GPR63: variants seen among roughly 807,000 people sequenced by gnomAD.
GPR63 encodes the protein probable G protein-coupled receptor 63.
Under a neutral mutation model 23.1 loss-of-function variants are expected in GPR63, and 12 were observed. That is an observed-to-expected ratio of 0.52 (90% CI 0.33 to 0.84). The LOEUF (loss-of-function observed/expected upper bound fraction) is 0.84. Ranked by LOEUF, GPR63 falls within the 40% of genes least tolerant of loss-of-function variation. GPR63 has a pLI of 0.02. For missense variants in GPR63, 472 were observed against 515.6 expected, an observed-to-expected ratio of 0.92 and a Z score of 0.82; for synonymous variants, 172 against 191.1, an observed-to-expected ratio of 0.90 and a Z score of 0.82.
Position 96,837,248 on chromosome 6 carries a change from G to C in GPR63, c.-151+20C>G, listed in dbSNP as rs1218552917. The C allele has an allele frequency of 6.6e-6, 1 of 152,422 alleles. No homozygotes were observed. Among genetic ancestry groups the C allele is most frequent in the Admixed American group, 6.5e-5 (1 of 15,294 alleles). 9.4% of individuals were successfully genotyped at this position (152,422 alleles called of 1,614,324 possible). ...CGCGGGCCGGGGATCGCGGGCCGGG[G>C]ATCCCGAGCCTCACCTCACCTCAAG... On this transcript the variant is annotated intron_variant, in intron 1 of 1. Coordinates refer to ENST00000229955, the MANE Select transcript of GPR63 (RefSeq NM_030784.4).
At chr6:96,836,428 T>C (rs1246456211) in intron 1 of GPR63, among the ~76,000 whole-genome samples, 1 of 152,122 alleles carries the variant, frequency 6.6e-6, no homozygotes, top group African/African-American at 2.4e-5. Flanking sequence ...AGAAATCCTA[T>C]TTTAAAAACA....
chr6:96,820,112 A>G (rs915992228), intron 1 of GPR63, among the ~76,000 whole-genome samples: 10 of 151,638 alleles, frequency 6.6e-5, no homozygotes, highest in African/African-American at 2.2e-4. Flanking sequence ...GTCAGAAAAT[A>G]AAATCTTCTT....
At chr6:96,829,346 G>A (rs151010728) in intron 1 of GPR63, among the ~76,000 whole-genome samples, 1 of 152,210 alleles carries the variant, frequency 6.6e-6, no homozygotes, top group African/African-American at 2.4e-5. Flanking sequence ...AACAAAATAT[G>A]CTTAGAAATT....
intron 1 of GPR63, among the ~76,000 whole-genome samples, chr6:96,818,784 A>G (rs1167907376): frequency 6.6e-6 from 1 of 152,222 alleles, no homozygotes; most frequent in Admixed American, 6.5e-5. Context: ...CCCATCTGAC[A>G]AAAGTCTAAT....
rs1773630554 is a variant in GPR63, at chr6:96,797,805, G to T, written c.*667C>A. 3 of 152,102 alleles carry T rather than the reference G, an allele frequency of 2.0e-5. No individual in the cohort carries two copies. Among genetic ancestry groups the T allele is most frequent in the Non-Finnish European group, 4.4e-5 (3 of 68,016 alleles). The allele number at this position is 152,102 out of a possible 1,614,324, so 9.4% of individuals were successfully genotyped here. ...GCTTAGAAAAGTATCTACATTTTAT[G>T]TTCTCTTTTACAACTGTACATGCAG... On this transcript the variant is annotated 3_prime_UTR_variant, in exon 2 of 2. Coordinates refer to ENST00000229955, the MANE Select transcript of GPR63 (RefSeq NM_030784.4).
At chr6:96,823,560 A>C (rs2127957200) in intron 1 of GPR63, among the ~76,000 whole-genome samples, 1 of 152,324 alleles carries the variant, frequency 6.6e-6, no homozygotes, top group African/African-American at 2.4e-5. Flanking sequence ...GTATAAAGTA[A>C]AAAATTTACA....
intron 1 of GPR63, among the ~76,000 whole-genome samples, chr6:96,827,046 TA>T (rs11461025): frequency 6.3e-4 from 77 of 122,484 alleles, no homozygotes; most frequent in South Asian, 1.0e-3. Flanking sequence ...GAACACAGTC[TA>T]AAAAAAAAAA....
Position 96,796,409 on chromosome 6 carries a change from C to T in GPR63, c.*2063G>A, listed in dbSNP as rs1773580029. Reference sequence around the variant, plus strand: ...AAAACACTAACATCCTGAAAAGATGCTATAAATCCACAGTTAACTTACTTA... The same window carrying T: ...AAAACACTAACATCCTGAAAAGATGTTATAAATCCACAGTTAACTTACTTA... On this transcript the variant is annotated 3_prime_UTR_variant, in exon 2 of 2. Coordinates refer to ENST00000229955, the MANE Select transcript of GPR63 (RefSeq NM_030784.4). 6.6e-6 allele frequency: 1 copy of T among 152,148 alleles called. No homozygotes were observed. Among genetic ancestry groups the T allele is most frequent in the African/African-American group, 2.4e-5 (1 of 41,436 alleles). 9.4% of individuals were successfully genotyped at this position (152,148 alleles called of 1,614,324 possible). A position where few individuals can be genotyped will look rare whatever the true frequency, so the allele number is the denominator to read the frequency against.
chr6:96,820,669 A>AT (rs996653911), intron 1 of GPR63, among the ~76,000 whole-genome samples: 5 of 151,456 alleles, frequency 3.3e-5, no homozygotes, highest in East Asian at 3.9e-4. Context: ...TTCCACGAGA[A>AT]TTTTTTTTTC....
intron 1 of GPR63, among the ~76,000 whole-genome samples, chr6:96,829,870 T>C (rs1162931055): frequency 1.3e-5 from 2 of 151,136 alleles, no homozygotes; most frequent in African/African-American, 4.9e-5. Flanking sequence ...AGAGTAAAAA[T>C]GAACATGTTA....
chr6:96,814,863 C>G (rs945093918), intron 1 of GPR63, among the ~76,000 whole-genome samples: 7 of 152,074 alleles, frequency 4.6e-5, no homozygotes, highest in African/African-American at 1.7e-4. Context: ...AAAACAAGGA[C>G]ATTTCTGTGA....
intron 1 of GPR63, among the ~76,000 whole-genome samples, chr6:96,819,962 G>C (rs56386410): frequency 1.5e-5 from 2 of 133,500 alleles, no homozygotes; most frequent in South Asian, 4.9e-4. Context: ...GCAACACAGC[G>C]AGACTCTGTC....
At chr6:96,814,135 C>T (rs542718416) in intron 1 of GPR63, among the ~76,000 whole-genome samples, 5 of 152,044 alleles carry the variant, frequency 3.3e-5, no homozygotes, top group African/African-American at 1.2e-4. Flanking sequence ...AACTTTATAT[C>T]TAATACATAC....
At chr6:96,833,725 T>A (rs1191573019) in intron 1 of GPR63, among the ~76,000 whole-genome samples, 1 of 152,128 alleles carries the variant, frequency 6.6e-6, no homozygotes, top group Non-Finnish European at 1.5e-5. Flanking sequence ...TAATAACACA[T>A]AAAGGTTTAA....
chr6:96,818,448 A>G (rs546015779), intron 1 of GPR63, among the ~76,000 whole-genome samples: 46 of 152,248 alleles, frequency 3.0e-4, no homozygotes, highest in Admixed American at 2.0e-3. Context: ...GGGCAACAAG[A>G]ATAAAACTCC....
In GPR63 at chr6:96,795,627, C is replaced by G. The variant is rs1773560903; in HGVS notation, c.*2845G>C. 1 of 152,142 alleles carries G rather than the reference C, an allele frequency of 6.6e-6. No homozygotes were observed. Among genetic ancestry groups the G allele is most frequent in the Non-Finnish European group, 1.5e-5 (1 of 68,032 alleles). The allele number at this position is 152,142 out of a possible 1,614,324, so 9.4% of individuals were successfully genotyped here. On this transcript the variant is annotated 3_prime_UTR_variant, in exon 2 of 2. Transcript: ENST00000229955. Reference sequence around the variant, plus strand: ...GCGTCTCGGCAGGCACTCCAGAGCTCTCACCAAATGAGGCACTGCCTATTA... The same window carrying G: ...GCGTCTCGGCAGGCACTCCAGAGCTGTCACCAAATGAGGCACTGCCTATTA...
intron 1 of GPR63, among the ~76,000 whole-genome samples, chr6:96,805,378 C>T (rs1562116258): frequency 6.6e-6 from 1 of 152,148 alleles, no homozygotes; most frequent in Non-Finnish European, 1.5e-5. Context: ...AGCATCAAGG[C>T]ATTCATGAGG....
rs1193977560 is a variant in GPR63 at position 96,794,651 on chromosome 6, T to C, written c.*3821A>G. On this transcript the variant is annotated 3_prime_UTR_variant, in exon 2 of 2. Transcript: ENST00000229955. ...TTTTATTTTACTTCAATGCTTGCATTGAACACAACTGGCAGAGCAATAGGA... is the reference window on the plus strand; with the variant it reads ...TTTTATTTTACTTCAATGCTTGCATCGAACACAACTGGCAGAGCAATAGGA... 6.6e-6 allele frequency: 1 copy of C among 152,180 alleles called. No individual in the cohort carries two copies. The highest frequency in any genetic ancestry group is 1.5e-5 in the Non-Finnish European group (1 of 68,038). 9.4% of individuals were successfully genotyped at this position (152,180 alleles called of 1,614,324 possible).
At chr6:96,828,664 A>G (rs1774503982) in intron 1 of GPR63, among the ~76,000 whole-genome samples, 1 of 152,082 alleles carries the variant, frequency 6.6e-6, no homozygotes. Context: ...ATACATAATA[A>G]TATGATAAAT....
Sources: allele counts gnomAD v4.1 joint callset (sites outside exome capture counted in the v4.1 genomes callset), GRCh38; gene constraint gnomAD v4.1.1; transcripts MANE v1.5; gene names NCBI Gene and HGNC (gene_info 2026-07-23, HGNC 2026-07-21).